The following ADAM22 variants were observed in gnomAD, a reference collection of about 807,000 sequenced individuals.
ADAM22 encodes the protein disintegrin and metalloproteinase domain-containing protein 22.
Under a neutral mutation model 144.6 loss-of-function variants are expected in ADAM22, and 65 were observed. The observed-to-expected ratio is 0.45, with a 90% CI of 0.37 to 0.55. The LOEUF is 0.55. ADAM22 is among the 20% of genes least tolerant of loss of function. The probability of loss-of-function intolerance (pLI) is 0.00; values close to 1 mark genes in which losing one functional copy is unlikely to be tolerated. For missense variants in ADAM22, 974 were observed against 1,184.9 expected, an observed-to-expected ratio of 0.82 and a Z score of 2.61; for synonymous variants, 391 against 412.6, an observed-to-expected ratio of 0.95 and a Z score of 0.63.
chr7:87,954,913 C>T (rs1410481986), intron 2 of ADAM22, among the ~76,000 whole-genome samples: 6 of 152,200 alleles, frequency 3.9e-5, no homozygotes, highest in South Asian at 2.1e-4. Flanking sequence ...ACCCTTTCTT[C>T]CAGTTGATCG....
chr7:88,034,346 C>T (rs978859547), intron 3 of ADAM22, among the ~76,000 whole-genome samples: 9 of 152,152 alleles, frequency 5.9e-5, no homozygotes, highest in Non-Finnish European at 1.2e-4. Flanking sequence ...GGAGCTGGGC[C>T]CTGGAATGAG....
At chr7:88,189,615 G>A (rs1049059403) in intron 30 of ADAM22, among the ~76,000 whole-genome samples, 1 of 152,146 alleles carries the variant, frequency 6.6e-6, no homozygotes, top group Admixed American at 6.5e-5. Flanking sequence ...AGTGGATACT[G>A]ATGACTTGAA....
intron 2 of ADAM22, 147 bp downstream of exon 2, chr7:87,935,333 G>GCAAAAAAGAAGGGGAAAAGGGTA (rs1443999146): frequency 5.1e-6 from 5 of 973,340 alleles, no homozygotes; most frequent in Non-Finnish European, 7.3e-6. Flanking sequence ...CGCTCCCTGT[G>GCAAAAAAGAAGGGGAAAAGGGTA]CAAAAAAGAA....
intron 14 of ADAM22, among the ~76,000 whole-genome samples, chr7:88,141,246 T>G (rs1169458007): frequency 6.6e-6 from 1 of 152,146 alleles, no homozygotes; most frequent in African/African-American, 2.4e-5. Flanking sequence ...ACAGGCTGAT[T>G]GCTCAAGTTG....
At chr7:88,038,785 CTT>C (rs746941738) in intron 3 of ADAM22, among the ~76,000 whole-genome samples, 19 of 137,818 alleles carry the variant, frequency 1.4e-4, no homozygotes, top group Admixed American at 2.2e-4. Context: ...TCTTCTTCTT[CTT>C]TTTTTTTTTT....
intron 2 of ADAM22, among the ~76,000 whole-genome samples, chr7:87,950,498 A>T (rs537271996): frequency 6.7e-6 from 1 of 148,912 alleles, no homozygotes; most frequent in East Asian, 2.0e-4. Context: ...ATAGTATTCC[A>T]GGGTGTATAT....
intron 2 of ADAM22, among the ~76,000 whole-genome samples, chr7:87,943,216 GT>G (rs1483559303): frequency 1.9e-4 from 29 of 150,708 alleles, no homozygotes; most frequent in Admixed American, 1.2e-3. Context: ...ATTGTATTGA[GT>G]GATTTACATG....
At chr7:87,970,142 A>G (rs1389205629) in intron 2 of ADAM22, among the ~76,000 whole-genome samples, 3 of 152,174 alleles carry the variant, frequency 2.0e-5, no homozygotes, top group Non-Finnish European at 4.4e-5. Context: ...GAGATATAGT[A>G]TCAATCCTTT....
intron 2 of ADAM22, among the ~76,000 whole-genome samples, chr7:87,971,913 G>A (rs546999515): frequency 2.6e-5 from 4 of 152,268 alleles, no homozygotes; most frequent in East Asian, 1.9e-4. Flanking sequence ...CATATTGGCC[G>A]GGTGCGGTGG....
intron 30 of ADAM22, among the ~76,000 whole-genome samples, chr7:88,191,918 G>A (rs950978529): frequency 6.6e-6 from 1 of 152,158 alleles, no homozygotes; most frequent in African/African-American, 2.4e-5. Flanking sequence ...TCAAACTTTA[G>A]CTTGAATTCA....
At chr7:87,982,726 C>T (rs1446548338) in intron 3 of ADAM22, among the ~76,000 whole-genome samples, 2 of 73,386 alleles carry the variant, frequency 2.7e-5, no homozygotes, top group Admixed American at 1.6e-4. Flanking sequence ...TACAGTTTTG[C>T]TCTTGTTGCC....
rs181417879 is a variant in ADAM22 at position 87,935,628 on chromosome 7, C to A, written c.246+442C>A. ...AAAATTGGAAAAAAACAAGGCTAGA[C>A]GTTCTTAAGAAACCCAACTGTAAAA... is the stretch of plus-strand genomic sequence containing the variant. On this transcript the variant is annotated intron_variant, in intron 2 of 31. Coordinates refer to ENST00000413139, the MANE Select transcript of ADAM22 (RefSeq NM_001324418.2). 5.3e-5 allele frequency among the ~76,000 whole-genome samples: 8 copies of A among 152,284 alleles called. No homozygotes were observed. The East Asian group carries it at 1.5e-3, about 29-fold the overall frequency.
chr7:88,048,929 G>A (rs1805429233), intron 3 of ADAM22, among the ~76,000 whole-genome samples: 1 of 152,070 alleles, frequency 6.6e-6, no homozygotes, highest in Non-Finnish European at 1.5e-5. Context: ...ATCTAAAAAT[G>A]TGGCCAAATT....
chr7:87,997,550 C>A (rs553806293), intron 3 of ADAM22, among the ~76,000 whole-genome samples: 2 of 152,246 alleles, frequency 1.3e-5, no homozygotes, highest in African/African-American at 4.8e-5. Flanking sequence ...GTTGTTGGCA[C>A]AATTCAGTTC....
At chr7:87,969,673 C>G (rs1849966685) in intron 2 of ADAM22, among the ~76,000 whole-genome samples, 1 of 152,186 alleles carries the variant, frequency 6.6e-6, no homozygotes, top group Non-Finnish European at 1.5e-5. Context: ...GTTTATTCCA[C>G]TGGTAAATGG....
rs370938099 is a variant in ADAM22, at chr7:88,108,250, C to T, written c.465C>T (p.His155=). The T allele has an allele frequency of 4.6e-5, 74 of 1,613,234 alleles. No homozygotes were observed. The Admixed American group carries it at 6.0e-4, about 13-fold the overall frequency. ...PDSFVALSTC[H]GLHGMFYDGN... ...CATTTGTTGCATTGTCAACATGCCA[C>T]GGACTTCAGTAAGTGTTCAAAAAGT... The change falls in exon 5 of 32, where the codon CAC becomes CAT. Residue 155 remains histidine, a synonymous_variant. Coordinates refer to ENST00000413139, the MANE Select transcript of ADAM22 (RefSeq NM_001324418.2).
intron 25 of ADAM22, among the ~76,000 whole-genome samples, chr7:88,168,698 T>A (rs1843500647): frequency 6.6e-6 from 1 of 152,200 alleles, no homozygotes. Context: ...AAAATTTCTT[T>A]GTATTCAAAT....
intron 4 of ADAM22, 146 bp from the exon 5 acceptor site, chr7:88,108,030 A>C: frequency 1.7e-6 from 1 of 604,454 alleles, no homozygotes; most frequent in East Asian, 2.9e-5. Flanking sequence ...TCTGTTAGAA[A>C]AGATTTGATA....
At chr7:88,110,682 TTTTTC>T (rs911346967) in intron 5 of ADAM22, among the ~76,000 whole-genome samples, 1 of 142,810 alleles carries the variant, frequency 7.0e-6, no homozygotes, top group Non-Finnish European at 1.5e-5. Context: ...TTCTCTTTTC[TTTTTC>T]TTTTCTTTTG....
Sources: allele counts gnomAD v4.1 joint callset (sites outside exome capture counted in the v4.1 genomes callset), GRCh38; gene constraint gnomAD v4.1.1; transcripts MANE v1.5; gene names NCBI Gene and HGNC (gene_info 2026-07-23, HGNC 2026-07-21).